DLGAP1: variants seen among roughly 807,000 people sequenced by gnomAD.
DLGAP1 encodes the protein DLG associated protein 1, also known as disks large-associated protein 1.
In DLGAP1, 11 loss-of-function variants were observed where a neutral mutation model predicts 90.8. That is an observed-to-expected ratio of 0.12 (90% confidence interval 0.08 to 0.20). The LOEUF is 0.20. Among genes scored for constraint, DLGAP1 ranks in the 10% least tolerant of loss-of-function variants. The probability of loss-of-function intolerance (pLI) is 1.00; values close to 1 mark genes in which losing one functional copy is unlikely to be tolerated. For missense variants in DLGAP1, 1,050 were observed against 1,333.8 expected (o/e 0.79, Z 3.31); for synonymous variants, 558 against 540.7 (o/e 1.03, Z -0.44).
chr18:3,921,596 G>T (rs1196338753), intron 3 of DLGAP1, among the ~76,000 whole-genome samples: 3 of 152,182 alleles, frequency 2.0e-5, no homozygotes, highest in Admixed American at 2.0e-4. Context: ...AAAGATATTT[G>T]TCAAAGCACA....
intron 4 of DLGAP1, among the ~76,000 whole-genome samples, chr18:3,850,284 G>A (rs746958335): frequency 4.6e-5 from 7 of 151,992 alleles, no homozygotes; most frequent in African/African-American, 1.7e-4. Flanking sequence ...CCAGCTACTC[G>A]GGAGGCTGAG....
chr18:4,231,920 T>C (rs2078307466), intron 1 of DLGAP1, among the ~76,000 whole-genome samples: 1 of 152,178 alleles, frequency 6.6e-6, no homozygotes, highest in African/African-American at 2.4e-5. Context: ...TGGCTATTGG[T>C]CGATGTGCAA....
chr18:3,890,920 A>G (rs902808796), intron 3 of DLGAP1, among the ~76,000 whole-genome samples: 9 of 152,230 alleles, frequency 5.9e-5, no homozygotes, highest in Non-Finnish European at 1.3e-4. Flanking sequence ...TTGGCAGATA[A>G]GAGTGTTGGC....
Position 3,567,350 on chromosome 18 carries a change from T to G in DLGAP1, c.2057+140A>C, listed in dbSNP as rs567680229. ...AAGTACAGGAGAGAATCAACTAATATTGATTCAACTTCACCCTTTAAATAC... is the reference window on the plus strand; with the variant it reads ...AAGTACAGGAGAGAATCAACTAATAGTGATTCAACTTCACCCTTTAAATAC... On this transcript the variant is annotated intron_variant, in intron 9 of 12. Transcript: ENST00000315677. 3 of 678,838 alleles carry G rather than the reference T, an allele frequency of 4.4e-6. No homozygotes were observed. The East Asian group carries it at 8.0e-5, about 18-fold the overall frequency. 42.1% of individuals were successfully genotyped at this position (678,838 alleles called of 1,614,324 possible). A position where few individuals can be genotyped will look rare whatever the true frequency, so the allele number is the denominator to read the frequency against.
At chr18:4,123,303 T>A (rs1249235162) in intron 2 of DLGAP1, among the ~76,000 whole-genome samples, 1 of 152,044 alleles carries the variant, frequency 6.6e-6, no homozygotes, top group African/African-American at 2.4e-5. Flanking sequence ...GGGGATCAGT[T>A]TGACTGCTAA....
chr18:4,063,722 A>C (rs2075332752), intron 2 of DLGAP1, among the ~76,000 whole-genome samples: 1 of 152,004 alleles, frequency 6.6e-6, no homozygotes. Context: ...TTGCTACCCA[A>C]GCTTCTTCCT....
chr18:3,687,080 G>C (rs1338341784), intron 7 of DLGAP1, among the ~76,000 whole-genome samples: 1 of 152,190 alleles, frequency 6.6e-6, no homozygotes, highest in Non-Finnish European at 1.5e-5. Flanking sequence ...AACTGGAAAA[G>C]ACAAGGAAAT....
chr18:4,005,459 C>T (rs2074280598), intron 2 of DLGAP1, among the ~76,000 whole-genome samples: 1 of 152,282 alleles, frequency 6.6e-6, no homozygotes, highest in Middle Eastern at 3.4e-3. Flanking sequence ...ATACTCTATT[C>T]CCCAGCTGCC....
chr18:3,741,032 C>T (rs1489845480), intron 6 of DLGAP1, among the ~76,000 whole-genome samples: 13 of 132,440 alleles, frequency 9.8e-5, no homozygotes, highest in East Asian at 2.5e-4. Flanking sequence ...ACCACCACCA[C>T]CACCATCACC....
rs181087282 is a variant in DLGAP1, at chr18:4,038,918, T to G, written c.-158-33717A>C. 8.9e-4 allele frequency among the ~76,000 whole-genome samples: 136 copies of G among 152,236 alleles called. 1 individual carries two copies. The highest frequency in any genetic ancestry group is 3.2e-3 in the African/African-American group (134 of 41,566). On this transcript the variant is annotated intron_variant, in intron 2 of 12. Coordinates refer to ENST00000315677, the MANE Select transcript of DLGAP1 (RefSeq NM_004746.4). Reference sequence around the variant, plus strand: ...TTTATTCTCTGACAGTTCTGATGCCTGAAGTCTGAAATCCATTCCACTAAG... The same window carrying G: ...TTTATTCTCTGACAGTTCTGATGCCGGAAGTCTGAAATCCATTCCACTAAG...
intron 5 of DLGAP1, among the ~76,000 whole-genome samples, chr18:3,773,758 C>A (rs2064808671): frequency 6.6e-6 from 1 of 152,196 alleles, no homozygotes; most frequent in Non-Finnish European, 1.5e-5. Flanking sequence ...ATCTATTTCA[C>A]TGTGTTCTGG....
At chr18:4,327,602 T>G (rs555647427) in intron 1 of DLGAP1, among the ~76,000 whole-genome samples, 2 of 152,142 alleles carry the variant, frequency 1.3e-5, no homozygotes, top group South Asian at 4.1e-4. Context: ...ACAATAAAAT[T>G]TATCAATTGT....
At chr18:4,372,093 A>G (rs2144224645) in intron 1 of DLGAP1, among the ~76,000 whole-genome samples, 1 of 150,688 alleles carries the variant, frequency 6.6e-6, no homozygotes, top group South Asian at 2.1e-4. Flanking sequence ...CAATGTACTT[A>G]ACACATAGAA....
At chr18:3,721,718 C>T (rs1208979839) in intron 7 of DLGAP1, 1 of 152,102 alleles carries the variant, frequency 6.6e-6, no homozygotes, top group Non-Finnish European at 1.5e-5. Flanking sequence ...GCCTTTTATT[C>T]TATAAATGGA....
At chr18:3,947,824 T>C (rs1208315074) in intron 3 of DLGAP1, among the ~76,000 whole-genome samples, 1 of 150,654 alleles carries the variant, frequency 6.6e-6, no homozygotes, top group Non-Finnish European at 1.5e-5. Context: ...GATCCTTTTA[T>C]ATTAATAGAA....
intron 7 of DLGAP1, among the ~76,000 whole-genome samples, chr18:3,585,900 T>TG (rs2055851210): frequency 6.6e-6 from 1 of 152,144 alleles, no homozygotes; most frequent in African/African-American, 2.4e-5. Flanking sequence ...ATGTGATAAG[T>TG]GGGGGTGGGA....
chr18:3,737,906 G>A (rs1260342996), intron 6 of DLGAP1, among the ~76,000 whole-genome samples: 1 of 150,170 alleles, frequency 6.7e-6, no homozygotes, highest in Non-Finnish European at 1.5e-5. Flanking sequence ...TCCTTAAGCT[G>A]ATAAGCAACT....
chr18:4,417,533 G>A (rs281016), intron 1 of DLGAP1, among the ~76,000 whole-genome samples: 152,281 of 152,294 alleles, frequency 1, 76,134 homozygotes, highest in Non-Finnish European at 1. Flanking sequence ...TCTAGTTTTC[G>A]CTTTAAGGTA....
intron 5 of DLGAP1, among the ~76,000 whole-genome samples, chr18:3,799,841 T>C (rs3786435): frequency 0.15 from 22,600 of 152,130 alleles, 3,774 homozygotes; most frequent in African/African-American, 0.41. Flanking sequence ...CCTGAGATGA[T>C]TGTTTTCTTT....
Sources: gnomAD v4.1 joint callset for allele counts (sites outside exome capture counted in the v4.1 genomes callset) on GRCh38, gnomAD v4.1.1 for gene constraint, MANE v1.5 for transcripts, NCBI Gene and HGNC (gene_info 2026-07-23, HGNC 2026-07-21) for gene names.